CXCR6: variants seen among roughly 807,000 people sequenced by gnomAD.
CXCR6 encodes C-X-C chemokine receptor type 6.
Under a neutral mutation model 1.6 loss-of-function variants are expected in CXCR6, and 3 were observed. The ratio of observed to expected loss-of-function variants is 1.83; its 90% confidence interval spans 0.83 to 4.72. CXCR6 has a LOEUF of 4.72. CXCR6 is among the 30% of genes most tolerant of loss of function. The pLI is 0.02. For missense variants in CXCR6, 326 were observed against 414.8 expected, an observed-to-expected ratio of 0.79 and a Z score of 1.86; for synonymous variants, 171 against 159.2, an observed-to-expected ratio of 1.07 and a Z score of -0.56.
At chr3:45,941,116 C>T (rs1021892608), upstream of CXCR6, 1 of 152,232 alleles carries the variant, frequency 6.6e-6, no homozygotes, top group Non-Finnish European at 1.5e-5. Flanking sequence ...AAACTCCTGG[C>T]TTCAATGATC....
upstream of CXCR6, among the ~76,000 whole-genome samples, chr3:45,943,225 C>A (rs1234063326): frequency 6.6e-6 from 1 of 152,164 alleles, no homozygotes; most frequent in South Asian, 2.1e-4. Context: ...CAGAGCCAAA[C>A]CTCCTTATTG....
chr3:45,945,484 G>A (rs749349282), intron 1 of CXCR6: 7 of 152,252 alleles, frequency 4.6e-5, no homozygotes, highest in Admixed American at 1.3e-4. Flanking sequence ...AAGGGTCAGA[G>A]AGAAGTGACA....
chr3:45,947,400 G>A lies in CXCR6; in HGVS notation c.919G>A (p.Gly307Ser), dbSNP rs772399220. ...KNFWKLVKDI[G>S]CLPYLGVSHQ... is the part of the protein sequence containing the mutation. ...CTTCTGGAAACTTGTGAAGGACATTGGTTGCCTCCCTTACCTTGGGGTCTC... is the reference window on the plus strand; with the variant it reads ...CTTCTGGAAACTTGTGAAGGACATTAGTTGCCTCCCTTACCTTGGGGTCTC... Residue 307 changes from glycine (G) to serine (S), a missense_variant, in exon 2 of 2, where the codon GGT becomes AGT. Gly to Ser is a moderately conservative substitution (Grantham distance 56). Transcript: ENST00000304552. 7 of 1,614,238 alleles carry A rather than the reference G, an allele frequency of 4.3e-6. No homozygotes were observed. In the Admixed American group the frequency reaches 1.2e-4, roughly 27 times the overall value.
At chr3:45,942,332 C>T (rs567332501), upstream of CXCR6, among the ~76,000 whole-genome samples, 18 of 152,338 alleles carry the variant, frequency 1.2e-4, no homozygotes, top group Admixed American at 7.2e-4. Context: ...TACATAGAAG[C>T]ATCCAGCATA....
At chr3:45,943,765 AG>A (rs1257070693) in intron 1 of CXCR6, among the ~76,000 whole-genome samples, 2 of 152,192 alleles carry the variant, frequency 1.3e-5, no homozygotes, top group Non-Finnish European at 2.9e-5. Context: ...GCACACAGTT[AG>A]TGCTTGCAGG....
upstream of CXCR6, among the ~76,000 whole-genome samples, chr3:45,942,624 C>T (rs1704299388): frequency 1.3e-5 from 2 of 152,222 alleles, no homozygotes; most frequent in East Asian, 3.8e-4. Context: ...GGCACTGGGG[C>T]ATGTGACCCA....
At chr3:45,941,712 G>C (rs1427470459), upstream of CXCR6, among the ~76,000 whole-genome samples, 1 of 152,138 alleles carries the variant, frequency 6.6e-6, no homozygotes, top group South Asian at 2.1e-4. Context: ...AGTCATGGAG[G>C]GCCCCAGGTG....
Position 45,946,870 on chromosome 3 carries a change from T to C in CXCR6, c.389T>C (p.Val130Ala). ...TGCATCACTGTGGATCGTTTCATTG[T>C]AGTGGTTAAGGCCACCAAGGCCTAC... ...LTCITVDRFI[V>A]VVKATKAYNQ... The change falls in exon 2 of 2, where the codon GTA (valine) becomes GCA (alanine). Residue 130 changes from valine (V) to alanine (A), a missense_variant. Transcript: ENST00000304552. The C allele has an allele frequency of 1.2e-6, 2 of 1,614,230 alleles. No individual in the cohort carries two copies. Among genetic ancestry groups the C allele is most frequent in the Non-Finnish European group, 1.7e-6 (2 of 1,180,036 alleles).
chr3:45,947,633 T>C lies in CXCR6; in HGVS notation c.*123T>C. On this transcript the variant is annotated 3_prime_UTR_variant, in exon 2 of 2. Transcript: ENST00000304552. The stretch of plus-strand genomic sequence containing the variant: ...CTCATGGAGAAGTTATCAGACACTC[T>C]GGCTGGTTTGGAATGCTTCTTCTCA... 2.7e-6 allele frequency: 2 copies of C among 746,420 alleles called. No homozygotes were observed. Among genetic ancestry groups the C allele is most frequent in the Non-Finnish European group, 4.5e-6 (2 of 446,674 alleles). The allele number at this position is 746,420 out of a possible 1,614,324, so 46.2% of individuals were successfully genotyped here. A position where few individuals can be genotyped will look rare whatever the true frequency, so the allele number is the denominator to read the frequency against.
At chr3:45,941,661 C>A (rs1273369978), upstream of CXCR6, among the ~76,000 whole-genome samples, 1 of 152,174 alleles carries the variant, frequency 6.6e-6, no homozygotes, top group African/African-American at 2.4e-5. Context: ...ACAAGCCATG[C>A]TTTCTCAAAT....
chr3:45,945,329 G>A (rs1353486185), intron 1 of CXCR6: 1 of 152,266 alleles, frequency 6.6e-6, no homozygotes, highest in Non-Finnish European at 1.5e-5. Flanking sequence ...ATGAGCTGCT[G>A]CATGTTGAGT....
chr3:45,944,043 C>T (rs886140478), intron 1 of CXCR6, among the ~76,000 whole-genome samples: 1 of 152,058 alleles, frequency 6.6e-6, no homozygotes, highest in African/African-American at 2.4e-5. Flanking sequence ...AAAATGTGAT[C>T]ATTTTTTCCA....
chr3:45,946,833 C>T lies in CXCR6; in HGVS notation c.352C>T (p.Leu118Phe), dbSNP rs1490671584. Residue 118 changes from leucine to phenylalanine, a missense_variant, in exon 2 of 2, where the codon CTC (leucine) becomes TTC (phenylalanine). Physicochemically the swap from Leu to Phe is conservative, Grantham distance 22. Transcript: ENST00000304552. ...CACTATTAACTTCTACACGTCCATG[C>T]TCATCCTCACCTGCATCACTGTGGA... ...IYTINFYTSM[L>F]ILTCITVDRF... The T allele has an allele frequency of 2.5e-6, 4 of 1,614,224 alleles. No homozygotes were observed. The highest frequency in any genetic ancestry group is 4.5e-5 in the East Asian group (2 of 44,892).
rs753914656 is a variant in CXCR6, at chr3:45,946,534, G to GC, written c.54dup (p.Ser19GlnfsTer43). The GC allele has an allele frequency of 6.2e-7, 1 of 1,614,194 alleles. No individual in the cohort carries two copies. On this transcript the variant is annotated frameshift_variant, in exon 2 of 2. Coordinates refer to ENST00000304552, the MANE Select transcript of CXCR6 (RefSeq NM_006564.2). LOFTEE classifies it low-confidence loss of function (END_TRUNC). ...TATGGGTTCAGCAGTTTCAATGACA[G>GC]CAGCCAGGAGGAGCATCAAGACTTC...
At chr3:45,944,043 C>A (rs886140478) in intron 1 of CXCR6, among the ~76,000 whole-genome samples, 1 of 152,058 alleles carries the variant, frequency 6.6e-6, no homozygotes, top group Admixed American at 6.6e-5. Context: ...AAAATGTGAT[C>A]ATTTTTTCCA....
chr3:45,947,553 C>A lies in CXCR6; in HGVS notation c.*43C>A. 1.4e-6 allele frequency: 2 copies of A among 1,460,152 alleles called. No homozygotes were observed. The highest frequency in any genetic ancestry group is 2.4e-5 in the South Asian group (2 of 84,918). The allele number at this position is 1,460,152 out of a possible 1,614,324, so 90.4% of individuals were successfully genotyped here. On this transcript the variant is annotated 3_prime_UTR_variant, in exon 2 of 2. Transcript: ENST00000304552. ...AGAAGCTGCTCTGGAATTTGCAAGTCATGGCTGTGCCCTCTTGATGTGGTG... is the reference window on the plus strand; with the variant it reads ...AGAAGCTGCTCTGGAATTTGCAAGTAATGGCTGTGCCCTCTTGATGTGGTG...
In CXCR6 at chr3:45,946,803, A is replaced by T; in HGVS notation, c.322A>T (p.Ile108Phe). 1 of 1,614,190 alleles carries T rather than the reference A, an allele frequency of 6.2e-7. No individual in the cohort carries two copies. Among genetic ancestry groups the T allele is most frequent in the Non-Finnish European group, 8.5e-7 (1 of 1,180,030 alleles). Reference sequence around the variant, plus strand: ...GGTCATGTGCAAGAGCCTACTGGGCATCTACACTATTAACTTCTACACGTC... The same window carrying T: ...GGTCATGTGCAAGAGCCTACTGGGCTTCTACACTATTAACTTCTACACGTC... ...GQVMCKSLLG[I>F]YTINFYTSML... Residue 108 changes from isoleucine to phenylalanine, a missense_variant, in exon 2 of 2, where the codon ATC becomes TTC. Physicochemically the swap from Ile to Phe is conservative, Grantham distance 21. Transcript: ENST00000304552.
chr3:45,941,498 T>C (rs1704221033), upstream of CXCR6, among the ~76,000 whole-genome samples: 1 of 152,342 alleles, frequency 6.6e-6, no homozygotes, highest in South Asian at 2.1e-4. Context: ...CTTAAAACAA[T>C]TAACACTATA....
rs61751654 is a variant in CXCR6 at position 45,947,033 on chromosome 3, C to A, written c.552C>A (p.Asp184Glu). 2.5e-6 allele frequency: 4 copies of A among 1,614,202 alleles called. No individual in the cohort carries two copies. Among genetic ancestry groups the A allele is most frequent in the Non-Finnish European group, 2.5e-6 (3 of 1,180,022 alleles). Residue 184 changes from aspartate to glutamate, a missense_variant, in exon 2 of 2, where the codon GAC becomes GAA. Asp to Glu is a conservative substitution (Grantham distance 45). Transcript: ENST00000304552. ...ACAAGCTCATATGTGGTTACCATGA[C>A]GAGGCAATTTCCACTGTGGTTCTTG... ...NLDKLICGYHDEAISTVVLAT... is the reference protein window; with the variant it reads ...NLDKLICGYHEEAISTVVLAT...
Sources: gnomAD v4.1 joint callset for allele counts (sites outside exome capture counted in the v4.1 genomes callset) on GRCh38, gnomAD v4.1.1 for gene constraint, MANE v1.5 for transcripts, NCBI Gene and HGNC (gene_info 2026-07-23, HGNC 2026-07-21) for gene names.